Variants in GRID2 observed in about 807,000 individuals in gnomAD.
GRID2 encodes the protein glutamate ionotropic receptor delta type subunit 2.
GRID2 carries 33 observed loss-of-function variants against 114.8 expected under a neutral mutation model. The observed-to-expected ratio is 0.29, with a 90% CI of 0.22 to 0.38. The LOEUF is 0.38. GRID2 is among the 10% of genes least tolerant of loss of function. The probability of loss-of-function intolerance (pLI) is 1.00; values close to 1 mark genes in which losing one functional copy is unlikely to be tolerated. For synonymous variants in GRID2, 505 were observed against 449.9 expected (o/e 1.12, Z -1.55); for missense variants, 1,184 against 1,257.7 (o/e 0.94, Z 0.89).
At chr4:93,406,833 TC>T (rs1488296435) in intron 9 of GRID2, among the ~76,000 whole-genome samples, 1 of 152,132 alleles carries the variant, frequency 6.6e-6, no homozygotes, top group Non-Finnish European at 1.5e-5. Flanking sequence ...ACGCTCATCT[TC>T]CCCTTCTGAG....
At chr4:93,328,789 G>A (rs113157526) in intron 8 of GRID2, among the ~76,000 whole-genome samples, 2,520 of 152,058 alleles carry the variant, frequency 0.017, 74 homozygotes, top group African/African-American at 0.058. Context: ...GGATCAGTAG[G>A]TTATGTGGGA....
intron 1 of GRID2, among the ~76,000 whole-genome samples, chr4:92,415,740 G>GTGTGTATATA (rs1459039400): frequency 1.2e-5 from 1 of 82,226 alleles, no homozygotes; most frequent in African/African-American, 4.1e-5. Context: ...GTGTATGTGT[G>GTGTGTATATA]TATATATATA....
chr4:93,486,647 C>T (rs184053180), intron 11 of GRID2, among the ~76,000 whole-genome samples: 7 of 151,578 alleles, frequency 4.6e-5, no homozygotes, highest in South Asian at 2.1e-4. Context: ...CCTAAAGTAG[C>T]GAATTACAAT....
intron 1 of GRID2, among the ~76,000 whole-genome samples, chr4:92,325,034 A>T (rs1369458081): frequency 6.6e-6 from 1 of 151,870 alleles, no homozygotes; most frequent in African/African-American, 2.4e-5. Context: ...TGCATGCACA[A>T]CTGAGCATGC....
In GRID2 at chr4:92,536,080, CACA is replaced by C. The variant is rs1440586860; in HGVS notation, c.89-54050_89-54048del. Among the ~76,000 whole-genome samples the C allele has an allele frequency of 5.9e-5, 9 of 152,134 alleles. No homozygotes were observed. In the South Asian group the frequency reaches 1.0e-3, roughly 17 times the overall value. On this transcript the variant is annotated intron_variant, in intron 1 of 15. Transcript: ENST00000282020. ...GCAAAGAGCAAAAGAACAAAGCCTC[CACA>C]GCAAGGAAAGGAACGTGAGCAGGCT... is the stretch of plus-strand genomic sequence containing the variant.
At chr4:92,888,298 G>T (rs1478381646) in intron 2 of GRID2, among the ~76,000 whole-genome samples, 1 of 152,146 alleles carries the variant, frequency 6.6e-6, no homozygotes, top group African/African-American at 2.4e-5. Context: ...GGGCTCAGAA[G>T]AGGTTTTTGG....
At chr4:92,336,332 G>A (rs143403842) in intron 1 of GRID2, among the ~76,000 whole-genome samples, 21 of 152,248 alleles carry the variant, frequency 1.4e-4, no homozygotes, top group African/African-American at 4.6e-4. Flanking sequence ...AAAAATGCTT[G>A]AAGCCTCCTT....
intron 2 of GRID2, among the ~76,000 whole-genome samples, chr4:92,890,464 C>G (rs1295544064): frequency 6.6e-6 from 1 of 151,954 alleles, no homozygotes; most frequent in African/African-American, 2.4e-5. Flanking sequence ...TATGAACAGA[C>G]ACTTTTCAAA....
At chr4:93,404,430 G>T (rs1325789468) in intron 9 of GRID2, among the ~76,000 whole-genome samples, 1 of 152,060 alleles carries the variant, frequency 6.6e-6, no homozygotes, top group Non-Finnish European at 1.5e-5. Context: ...AAAAGAGAGA[G>T]TCTGGTTCCC....
chr4:92,656,266 T>C (rs1174745284), intron 2 of GRID2, among the ~76,000 whole-genome samples: 2 of 151,752 alleles, frequency 1.3e-5, no homozygotes, highest in African/African-American at 4.8e-5. Flanking sequence ...TATCTTATTA[T>C]GGCTTTAATT....
intron 12 of GRID2, among the ~76,000 whole-genome samples, chr4:93,514,096 G>A (rs1729458747): frequency 6.6e-6 from 1 of 152,114 alleles, no homozygotes; most frequent in African/African-American, 2.4e-5. Context: ...AACTGTGCCA[G>A]TATCTGATTT....
chr4:93,098,989 CTG>C (rs71579585), intron 3 of GRID2, among the ~76,000 whole-genome samples: 5,175 of 138,774 alleles, frequency 0.037, 78 homozygotes, highest in East Asian at 0.05. Flanking sequence ...AGATCATTTC[CTG>C]TGTGTGTGTG....
In GRID2 at chr4:92,614,704, A is replaced by G. The variant is rs114049638; in HGVS notation, c.244+24418A>G. Among the ~76,000 whole-genome samples the G allele has an allele frequency of 4.0e-3, 614 of 151,750 alleles. 2 individuals are homozygous for G. The highest frequency in any genetic ancestry group is 0.014 in the African/African-American group (571 of 41,478). On this transcript the variant is annotated intron_variant, in intron 2 of 15. Coordinates refer to ENST00000282020, the MANE Select transcript of GRID2 (RefSeq NM_001510.4). ...TATTATTGGGTAGAGTGTACTACAG[A>G]TGACAGGTCAAATTTGTTGATAGAC...
chr4:92,980,318 T>C (rs1250948791), intron 2 of GRID2, among the ~76,000 whole-genome samples: 2 of 152,000 alleles, frequency 1.3e-5, no homozygotes, highest in African/African-American at 4.8e-5. Flanking sequence ...AAAAAAATGT[T>C]ATGAGAATTT....
At chr4:92,518,830 T>G (rs1274965644) in intron 1 of GRID2, among the ~76,000 whole-genome samples, 1 of 151,892 alleles carries the variant, frequency 6.6e-6, no homozygotes, top group East Asian at 1.9e-4. Context: ...TTTCTGAAAA[T>G]AGACAAGCTG....
chr4:92,728,741 A>C (rs1234516625), intron 2 of GRID2, among the ~76,000 whole-genome samples: 1 of 151,982 alleles, frequency 6.6e-6, no homozygotes. Context: ...CCAAGAAAAC[A>C]AAGCAAGCAG....
chr4:93,521,235 A>G (rs1191251084), intron 13 of GRID2, among the ~76,000 whole-genome samples: 1 of 152,166 alleles, frequency 6.6e-6, no homozygotes, highest in Non-Finnish European at 1.5e-5. Flanking sequence ...CTGGCATGGT[A>G]GTTAATATGA....
chr4:92,753,391 A>G (rs1737549001), intron 2 of GRID2, among the ~76,000 whole-genome samples: 1 of 152,188 alleles, frequency 6.6e-6, no homozygotes, highest in Non-Finnish European at 1.5e-5. Context: ...AAAGGGGATG[A>G]GTGTAATAGA....
intron 2 of GRID2, among the ~76,000 whole-genome samples, chr4:92,796,513 T>C (rs777408447): frequency 3.1e-4 from 47 of 152,054 alleles, no homozygotes; most frequent in Non-Finnish European, 5.3e-4. Flanking sequence ...TAAACCCAAC[T>C]TTATTTGTAC....
Sources: allele counts gnomAD v4.1 joint callset (sites outside exome capture counted in the v4.1 genomes callset), GRCh38; gene constraint gnomAD v4.1.1; transcripts MANE v1.5; gene names NCBI Gene and HGNC (gene_info 2026-07-23, HGNC 2026-07-21).